The following PTBP3 variants were observed in gnomAD, a reference collection of about 807,000 sequenced individuals.
The protein encoded by PTBP3 is polypyrimidine tract-binding protein 3.
Under a neutral mutation model 58.7 loss-of-function variants are expected in PTBP3, and 20 were observed. The ratio of observed to expected loss-of-function variants is 0.34; its 90% confidence interval spans 0.24 to 0.50. The LOEUF is 0.50. Ranked by LOEUF, PTBP3 falls within the 20% of genes least tolerant of loss-of-function variation. PTBP3 has a pLI of 0.98. For missense variants in PTBP3, 509 were observed against 637.2 expected (o/e 0.80, Z 2.17); for synonymous variants, 185 against 219.8 (o/e 0.84, Z 1.40).
chr9:112,275,174 T>G (rs1171568601), intron 3 of PTBP3, among the ~76,000 whole-genome samples: 1 of 152,142 alleles, frequency 6.6e-6, no homozygotes, highest in Non-Finnish European at 1.5e-5. Flanking sequence ...TTACTCTTGT[T>G]GCATAGGCTG....
downstream of PTBP3, chr9:112,217,907 T>C (rs1013064333): frequency 6.6e-6 from 1 of 152,204 alleles, no homozygotes; most frequent in Non-Finnish European, 1.5e-5. Flanking sequence ...ATCTGAGAAG[T>C]AAAACGTTTG....
the PTBP3 span, among the ~76,000 whole-genome samples, chr9:112,370,279 T>A: frequency 1.3e-5 from 2 of 152,194 alleles, no homozygotes; most frequent in South Asian, 2.1e-4. Flanking sequence ...CAATGGCTCA[T>A]GCCTGTAATC....
the PTBP3 span, among the ~76,000 whole-genome samples, chr9:112,364,949 CCCA>C: frequency 6.6e-6 from 1 of 152,116 alleles, no homozygotes; most frequent in Non-Finnish European, 1.5e-5. Context: ...TTCCTCCACC[CCCA>C]CCACAACCCA....
At chr9:112,333,674 C>T, upstream of PTBP3, 1 of 520,004 alleles carries the variant, frequency 1.9e-6, no homozygotes, top group Non-Finnish European at 3.2e-6. Context: ...CCCCGCCTTC[C>T]CCACCCCGCG....
chr9:112,231,912 AAGAAGAGAAGAGAAG>A (rs1391742980), intron 9 of PTBP3, among the ~76,000 whole-genome samples, 172 bp downstream of exon 9: 1,525 of 107,270 alleles, frequency 0.014, 19 homozygotes, highest in Non-Finnish European at 0.02. Flanking sequence ...CTGAAAAGAA[AAGAAGAGAAGAGAAG>A]AGAAGAGAAG....
At chr9:112,237,426 A>G (rs1835477361) in intron 7 of PTBP3, among the ~76,000 whole-genome samples, 1 of 152,158 alleles carries the variant, frequency 6.6e-6, no homozygotes, top group South Asian at 2.1e-4. Context: ...AACCAAGGCA[A>G]TACGAATTAA....
Position 112,332,723 on chromosome 9 carries a change from A to G in PTBP3, c.-52+747T>C. ...CTTTTTATTTTGGTCACGGACCCCC[A>G]TTAAATTTTTGAGCATTTGAAATGC... On this transcript the variant is annotated intron_variant, in intron 1 of 13. Coordinates refer to ENST00000374257, the MANE Select transcript of PTBP3 (RefSeq NM_001163788.4). 3.1e-6 allele frequency: 5 copies of G among 1,594,266 alleles called. No homozygotes were observed. The South Asian group carries it at 4.5e-5, about 14-fold the overall frequency.
Position 112,231,983 on chromosome 9 carries a change from AGAG to A in PTBP3, c.1020+113_1020+115del, listed in dbSNP as rs768509301. On this transcript the variant is annotated intron_variant, in intron 9 of 13. Coordinates refer to ENST00000374257, the MANE Select transcript of PTBP3 (RefSeq NM_001163788.4). ...AGAAGAGAAGAGAGAAGAGAAGAGA[AGAG>A]AAGAGAAGAGAAGAGAAGAGAAGAG... 9 of 460,404 alleles carry A rather than the reference AGAG, an allele frequency of 2.0e-5. No individual in the cohort carries two copies. The African/African-American group carries it at 5.9e-4, about 30-fold the overall frequency. 28.5% of individuals were successfully genotyped at this position (460,404 alleles called of 1,614,324 possible).
At chr9:112,369,913 T>C in the PTBP3 span, among the ~76,000 whole-genome samples, 2 of 152,122 alleles carry the variant, frequency 1.3e-5, no homozygotes, top group East Asian at 1.9e-4. Flanking sequence ...GCTTTTCTCA[T>C]GATAGTGAAT....
At chr9:112,253,541 G>T (rs570390597) in intron 5 of PTBP3, among the ~76,000 whole-genome samples, 9 of 152,174 alleles carry the variant, frequency 5.9e-5, no homozygotes, top group Non-Finnish European at 1.0e-4. Context: ...GACTAAATAG[G>T]GGGGATAAAA....
At chr9:112,290,590 T>C (rs886567912) in intron 2 of PTBP3, among the ~76,000 whole-genome samples, 2 of 150,922 alleles carry the variant, frequency 1.3e-5, no homozygotes, top group African/African-American at 4.9e-5. Flanking sequence ...ATGAATCGCT[T>C]GAACCCAGGA....
At chr9:112,322,500 C>A (rs1829997349) in intron 1 of PTBP3, among the ~76,000 whole-genome samples, 1 of 152,170 alleles carries the variant, frequency 6.6e-6, no homozygotes, top group Admixed American at 6.5e-5. Flanking sequence ...AGGATTATAG[C>A]TCAAAGAGCT....
chr9:112,219,970 G>T lies in PTBP3; in HGVS notation c.*3881C>A. The T allele has an allele frequency of 1.6e-6, 1 of 628,216 alleles. No homozygotes were observed. Among genetic ancestry groups the T allele is most frequent in the Non-Finnish European group, 2.1e-6 (1 of 484,986 alleles). 38.9% of individuals were successfully genotyped at this position (628,216 alleles called of 1,614,324 possible). ...CAGCTGAGTTATATTTTCAAATTTT[G>T]TGCAATCTAAATTGTATTTCTTTCA... On this transcript the variant is annotated 3_prime_UTR_variant, in exon 14 of 14. Coordinates refer to ENST00000374257, the MANE Select transcript of PTBP3 (RefSeq NM_001163788.4).
intron 1 of PTBP3, among the ~76,000 whole-genome samples, chr9:112,311,486 G>A (rs2132389104): frequency 6.6e-6 from 1 of 152,308 alleles, no homozygotes. Flanking sequence ...AACTGCCCGA[G>A]TCCAAATGAG....
the PTBP3 span, among the ~76,000 whole-genome samples, chr9:112,364,731 A>T: frequency 6.6e-6 from 1 of 152,224 alleles, no homozygotes; most frequent in South Asian, 2.1e-4. Context: ...GAAAAATGGC[A>T]CCAATTGACT....
chr9:112,309,334 C>A (rs1383991054), intron 1 of PTBP3, among the ~76,000 whole-genome samples: 1 of 151,826 alleles, frequency 6.6e-6, no homozygotes, highest in Non-Finnish European at 1.5e-5. Flanking sequence ...CTAAGTTTTT[C>A]CAAAAACAGA....
chr9:112,360,703 G>T, the PTBP3 span, among the ~76,000 whole-genome samples: 1 of 152,080 alleles, frequency 6.6e-6, no homozygotes, highest in Non-Finnish European at 1.5e-5. Context: ...AATTTCAATG[G>T]CAAGTTATAA....
At chr9:112,225,562 C>G (rs544149519) in intron 12 of PTBP3, among the ~76,000 whole-genome samples, 40 of 152,182 alleles carry the variant, frequency 2.6e-4, no homozygotes, top group African/African-American at 9.6e-4. Context: ...ATAGTTAAAA[C>G]TGTAATTTTT....
At chr9:112,378,845 C>T in the PTBP3 span, among the ~76,000 whole-genome samples, 1 of 152,078 alleles carries the variant, frequency 6.6e-6, no homozygotes, top group Admixed American at 6.5e-5. Flanking sequence ...CTACAGGAGT[C>T]GGGCAGGTGA....
Sources: allele counts gnomAD v4.1 joint callset (sites outside exome capture counted in the v4.1 genomes callset), GRCh38; gene constraint gnomAD v4.1.1; transcripts MANE v1.5; gene names NCBI Gene and HGNC (gene_info 2026-07-23, HGNC 2026-07-21).